DCAF7: variants seen among roughly 807,000 people sequenced by gnomAD.
The protein encoded by DCAF7 is DDB1 and CUL4 associated factor 7, also known as DDB1- and CUL4-associated factor 7.
A neutral mutation model predicts 41.2 loss-of-function variants in DCAF7; 4 were observed. The ratio of observed to expected loss-of-function variants is 0.10; its 90% confidence interval spans 0.05 to 0.22. The LOEUF (loss-of-function observed/expected upper bound fraction) is 0.22. DCAF7 is among the 10% of genes least tolerant of loss of function. DCAF7 has a pLI of 1.00. For synonymous variants in DCAF7, 143 were observed against 164.2 expected, an observed-to-expected ratio of 0.87 and a Z score of 0.99; for missense variants, 131 against 443.2, an observed-to-expected ratio of 0.30 and a Z score of 6.32.
Position 63,554,072 on chromosome 17 carries a change from G to C in DCAF7, c.138+3257G>C, listed in dbSNP as rs80117591. Among the ~76,000 whole-genome samples, 29 of 152,282 alleles carry C rather than the reference G, an allele frequency of 1.9e-4. No individual in the cohort carries two copies. The East Asian group carries it at 5.6e-3, about 29-fold the overall frequency. On this transcript the variant is annotated intron_variant, in intron 1 of 6. Coordinates refer to ENST00000614556, the MANE Select transcript of DCAF7 (RefSeq NM_005828.5). ...ATTAAAAAATTAGCCAGGTATGGTG[G>C]CATCTGCCTGTAGTACCAGCTACTT...
intron 1 of DCAF7, among the ~76,000 whole-genome samples, chr17:63,576,536 A>G (rs1382741666): frequency 1.3e-5 from 2 of 152,236 alleles, no homozygotes; most frequent in Non-Finnish European, 2.9e-5. Context: ...AGACCTAAAT[A>G]TGAAGCCTAA....
At chr17:63,566,388 A>ATGTT (rs1383981069) in intron 1 of DCAF7, among the ~76,000 whole-genome samples, 1 of 151,820 alleles carries the variant, frequency 6.6e-6, no homozygotes, top group Non-Finnish European at 1.5e-5. Flanking sequence ...AAAAAACAAC[A>ATGTT]GTTACACTTA....
At chr17:63,570,480 A>G (rs2033494664) in intron 1 of DCAF7, among the ~76,000 whole-genome samples, 1 of 151,974 alleles carries the variant, frequency 6.6e-6, no homozygotes, top group Non-Finnish European at 1.5e-5. Context: ...AGATAGGAAA[A>G]ATGTTTATTA....
chr17:63,552,764 G>C (rs1345409022), intron 1 of DCAF7, among the ~76,000 whole-genome samples: 1 of 146,824 alleles, frequency 6.8e-6, no homozygotes, highest in Non-Finnish European at 1.5e-5. Context: ...AGGATCAGTG[G>C]AGTAGTCAAA....
intron 5 of DCAF7, among the ~76,000 whole-genome samples, chr17:63,584,462 C>T (rs1219295228): frequency 2.7e-5 from 4 of 148,306 alleles, no homozygotes; most frequent in Non-Finnish European, 5.9e-5. Flanking sequence ...AGCAAGACTC[C>T]ATCTGAAAAA....
At chr17:63,566,587 A>G (rs950063098) in intron 1 of DCAF7, among the ~76,000 whole-genome samples, 1 of 152,178 alleles carries the variant, frequency 6.6e-6, no homozygotes, top group African/African-American at 2.4e-5. Context: ...AAGGAGAGCT[A>G]TTTGTACTGA....
At chr17:63,588,973 T>A in intron 6 of DCAF7, 27 bp from the exon 7 acceptor site, 1 of 1,591,956 alleles carries the variant, frequency 6.3e-7, no homozygotes, top group Non-Finnish European at 8.6e-7. Flanking sequence ...ACTTGTGACC[T>A]TGCTTGCTGG....
At chr17:63,565,032 G>A (rs751950504) in intron 1 of DCAF7, among the ~76,000 whole-genome samples, 1 of 152,244 alleles carries the variant, frequency 6.6e-6, no homozygotes, top group Non-Finnish European at 1.5e-5. Context: ...AGCACTTTGG[G>A]AGGACCAAGG....
rs370517405 is a variant in DCAF7 at position 63,583,717 on chromosome 17, C to T, written c.738+6C>T. On this transcript the variant is annotated splice_donor_region_variant and intron_variant, in intron 5 of 6. Transcript: ENST00000614556. ...TGGCCATGGATGGAATGGAGGTGAG[C>T]ACTCCTCTCAGGCTACCATGGGCCC... 35 of 1,613,378 alleles carry T rather than the reference C, an allele frequency of 2.2e-5. No individual in the cohort carries two copies. The highest frequency in any genetic ancestry group is 1.6e-4 in the Middle Eastern group (1 of 6,082).
chr17:63,580,507 CTTTTTTTTTTTTTTTT>C (rs530801174), intron 4 of DCAF7, among the ~76,000 whole-genome samples: 10 of 43,880 alleles, frequency 2.3e-4, no homozygotes, highest in Non-Finnish European at 3.4e-4. Context: ...TTTGTGATTG[CTTTTTTTTTTTTTTTT>C]TTTTTTTTTT....
chr17:63,589,323 G>A lies in DCAF7; in HGVS notation c.*151G>A. ...CCAGAAGCTGCTCTAGGAGTTCCTG[G>A]CCAGTCACCCCATCGCCCTCTGTGG... On this transcript the variant is annotated 3_prime_UTR_variant, in exon 7 of 7. Transcript: ENST00000614556. The A allele has an allele frequency of 9.5e-7, 1 of 1,057,872 alleles. No individual in the cohort carries two copies. Among genetic ancestry groups the A allele is most frequent in the South Asian group, 1.3e-5 (1 of 74,392 alleles). 65.5% of individuals were successfully genotyped at this position (1,057,872 alleles called of 1,614,324 possible). A position where few individuals can be genotyped will look rare whatever the true frequency, so the allele number is the denominator to read the frequency against.
intron 1 of DCAF7, among the ~76,000 whole-genome samples, chr17:63,564,360 CTG>C (rs1300471644): frequency 1.6e-4 from 24 of 152,232 alleles, no homozygotes; most frequent in African/African-American, 5.3e-4. Flanking sequence ...GGCTAGAACT[CTG>C]GTATCTAAAT....
intron 4 of DCAF7, 131 bp downstream of exon 4, chr17:63,580,074 T>G (rs941257847): frequency 1.4e-6 from 1 of 712,398 alleles, no homozygotes; most frequent in Non-Finnish European, 2.4e-6. Context: ...CTTGTCTAAA[T>G]TGACAATAGT....
chr17:63,565,996 G>T (rs1025677105), intron 1 of DCAF7, among the ~76,000 whole-genome samples: 1 of 152,022 alleles, frequency 6.6e-6, no homozygotes, highest in Non-Finnish European at 1.5e-5. Flanking sequence ...AGCTACTCAG[G>T]AAACTGAGGC....
intron 6 of DCAF7, among the ~76,000 whole-genome samples, chr17:63,588,214 G>T (rs2033698467): frequency 8.7e-6 from 1 of 115,394 alleles, no homozygotes; most frequent in South Asian, 2.3e-4. Flanking sequence ...TTGAGATGAA[G>T]TCTCACTCTG....
chr17:63,584,254 G>A (rs918167546), intron 5 of DCAF7, among the ~76,000 whole-genome samples: 35 of 152,200 alleles, frequency 2.3e-4, no homozygotes, highest in African/African-American at 8.2e-4. Flanking sequence ...TGGATCACGA[G>A]GTCAAGAGAT....
At chr17:63,580,154 A>G (rs970449110) in intron 4 of DCAF7, among the ~76,000 whole-genome samples, 8 of 152,186 alleles carry the variant, frequency 5.3e-5, no homozygotes, top group Non-Finnish European at 1.2e-4. Context: ...TAAATGACCT[A>G]TTCTACGGTC....
chr17:63,587,653 C>T (rs1333852343), intron 6 of DCAF7, among the ~76,000 whole-genome samples: 1 of 152,086 alleles, frequency 6.6e-6, no homozygotes, highest in Non-Finnish European at 1.5e-5. Context: ...GCGGCCTTGG[C>T]AGGAGACTAG....
intron 3 of DCAF7, 56 bp downstream of exon 3, chr17:63,579,504 C>A: frequency 7.6e-7 from 1 of 1,310,110 alleles, no homozygotes; most frequent in South Asian, 1.3e-5. Context: ...TAAATTTTCT[C>A]AGATGTCACA....
Sources: allele counts gnomAD v4.1 joint callset (sites outside exome capture counted in the v4.1 genomes callset), GRCh38; gene constraint gnomAD v4.1.1; transcripts MANE v1.5; gene names NCBI Gene and HGNC (gene_info 2026-07-23, HGNC 2026-07-21).